The following GABRB1 variants were observed in gnomAD, a reference collection of about 807,000 sequenced individuals.
GABRB1 encodes the protein gamma-aminobutyric acid type A receptor subunit beta1, also known as gamma-aminobutyric acid receptor subunit beta-1.
Under a neutral mutation model 51.6 loss-of-function variants are expected in GABRB1, and 17 were observed. That is an observed-to-expected ratio of 0.33 (90% CI 0.23 to 0.49). GABRB1 has a LOEUF of 0.49. Among genes scored for constraint, GABRB1 ranks in the 20% least tolerant of loss-of-function variants. GABRB1 has a pLI of 0.99. For synonymous variants in GABRB1, 247 were observed against 218.9 expected, an observed-to-expected ratio of 1.13 and a Z score of -1.14; for missense variants, 410 against 600.6, an observed-to-expected ratio of 0.68 and a Z score of 3.32.
intron 3 of GABRB1, among the ~76,000 whole-genome samples, chr4:47,054,588 A>ATT (rs398107275): frequency 8.2e-4 from 122 of 149,172 alleles, no homozygotes; most frequent in African/African-American, 2.2e-3. Flanking sequence ...TATGGGCAAC[A>ATT]TTTTTTTTTT....
At chr4:47,285,194 T>C (rs1723462738) in intron 4 of GABRB1, among the ~76,000 whole-genome samples, 1 of 152,182 alleles carries the variant, frequency 6.6e-6, no homozygotes, top group Non-Finnish European at 1.5e-5. Flanking sequence ...AGCTGACTGG[T>C]GTGTTGTGCT....
intron 5 of GABRB1, among the ~76,000 whole-genome samples, chr4:47,395,240 C>G (rs1728141354): frequency 6.6e-6 from 1 of 152,154 alleles, no homozygotes; most frequent in South Asian, 2.1e-4. Flanking sequence ...CACAGTTCCA[C>G]AGGCTATACA....
chr4:46,998,652 T>G (rs1029245390), intron 1 of GABRB1, among the ~76,000 whole-genome samples: 1 of 142,534 alleles, frequency 7.0e-6, no homozygotes, highest in African/African-American at 2.6e-5. Context: ...GAGAATGGAG[T>G]GAACCCGGGA....
At chr4:47,324,114 T>C (rs1725172446) in intron 5 of GABRB1, among the ~76,000 whole-genome samples, 1 of 152,156 alleles carries the variant, frequency 6.6e-6, no homozygotes, top group Non-Finnish European at 1.5e-5. Context: ...GTAGATGTTG[T>C]CACCTCACCA....
At chr4:47,323,345 T>A (rs12511526) in intron 5 of GABRB1, among the ~76,000 whole-genome samples, 1 of 152,204 alleles carries the variant, frequency 6.6e-6, no homozygotes, top group African/African-American at 2.4e-5. Flanking sequence ...ATGTTAAGAA[T>A]AATAATTTTA....
chr4:47,034,387 A>T (rs771770793), intron 3 of GABRB1, among the ~76,000 whole-genome samples: 1 of 152,184 alleles, frequency 6.6e-6, no homozygotes, highest in Non-Finnish European at 1.5e-5. Context: ...GATTGACTTT[A>T]ATTGAAATAC....
intron 1 of GABRB1, among the ~76,000 whole-genome samples, chr4:47,019,761 G>A (rs1211078579): frequency 6.8e-6 from 1 of 147,038 alleles, no homozygotes. Context: ...TGCCCAGGCT[G>A]TAGTGCAGAT....
chr4:47,121,559 T>A (rs2109649174), intron 3 of GABRB1, among the ~76,000 whole-genome samples: 1 of 152,330 alleles, frequency 6.6e-6, no homozygotes, highest in Admixed American at 6.5e-5. Flanking sequence ...CACCTCCCAC[T>A]CCTAAATAGA....
chr4:47,143,397 G>C (rs149389664), intron 3 of GABRB1, among the ~76,000 whole-genome samples: 1 of 151,488 alleles, frequency 6.6e-6, no homozygotes, highest in African/African-American at 2.4e-5. Context: ...AGGACATTCC[G>C]TCCCAAAATG....
At chr4:47,266,354 T>G (rs990694730) in intron 4 of GABRB1, among the ~76,000 whole-genome samples, 1 of 152,158 alleles carries the variant, frequency 6.6e-6, no homozygotes, top group African/African-American at 2.4e-5. Flanking sequence ...AGTCAAGTAA[T>G]GTGATGCCTC....
intron 8 of GABRB1, among the ~76,000 whole-genome samples, chr4:47,416,587 G>A (rs541574065): frequency 7.7e-4 from 117 of 151,920 alleles, no homozygotes; most frequent in African/African-American, 2.6e-3. Flanking sequence ...GAGTAGCTGG[G>A]ACTACAGGCG....
chr4:47,280,025 C>T (rs750037003), intron 4 of GABRB1, among the ~76,000 whole-genome samples: 3 of 151,816 alleles, frequency 2.0e-5, no homozygotes, highest in Non-Finnish European at 4.4e-5. Flanking sequence ...TTACTATTGG[C>T]ATTTTGTTAA....
chr4:47,369,623 T>C (rs765936199), intron 5 of GABRB1, among the ~76,000 whole-genome samples: 3 of 152,216 alleles, frequency 2.0e-5, no homozygotes, highest in African/African-American at 4.8e-5. Flanking sequence ...CTCAACTTAA[T>C]TGTATGAACT....
At chr4:47,272,320 C>T (rs1038694431) in intron 4 of GABRB1, among the ~76,000 whole-genome samples, 1 of 152,008 alleles carries the variant, frequency 6.6e-6, no homozygotes, top group African/African-American at 2.4e-5. Flanking sequence ...TTGTGGCTTC[C>T]CCTCCCCTTC....
intron 4 of GABRB1, among the ~76,000 whole-genome samples, chr4:47,255,871 C>G (rs1180675510): frequency 3.9e-5 from 6 of 152,148 alleles, no homozygotes; most frequent in Non-Finnish European, 8.8e-5. Context: ...ACTACAGGGA[C>G]TGTGGCTTGT....
intron 4 of GABRB1, among the ~76,000 whole-genome samples, chr4:47,245,402 T>C (rs987781635): frequency 6.6e-6 from 1 of 152,182 alleles, no homozygotes; most frequent in Non-Finnish European, 1.5e-5. Context: ...GGGATACCAA[T>C]GTTCAATTAT....
chr4:47,034,741 T>C (rs904497974), intron 3 of GABRB1, among the ~76,000 whole-genome samples: 4 of 152,036 alleles, frequency 2.6e-5, no homozygotes, highest in African/African-American at 7.2e-5. Context: ...AAAATGGAAA[T>C]AAAGAGTAAT....
chr4:47,065,582 G>A (rs923819358), intron 3 of GABRB1, among the ~76,000 whole-genome samples: 3 of 152,230 alleles, frequency 2.0e-5, no homozygotes, highest in Admixed American at 6.5e-5. Context: ...GCCATGAATG[G>A]CAATGTCTTG....
At chr4:47,415,561 A>G (rs1197141579) in intron 8 of GABRB1, among the ~76,000 whole-genome samples, 1 of 152,176 alleles carries the variant, frequency 6.6e-6, no homozygotes, top group Non-Finnish European at 1.5e-5. Context: ...GGAAAATGCT[A>G]AATGCCTAGG....
Sources: gnomAD v4.1 joint callset for allele counts (sites outside exome capture counted in the v4.1 genomes callset) on GRCh38, gnomAD v4.1.1 for gene constraint, MANE v1.5 for transcripts, NCBI Gene and HGNC (gene_info 2026-07-23, HGNC 2026-07-21) for gene names.